Variants in ADAP1 observed in about 807,000 individuals in gnomAD.
The protein encoded by ADAP1 is ArfGAP with dual PH domains 1.
Under a neutral mutation model 54.9 loss-of-function variants are expected in ADAP1, and 31 were observed. The observed-to-expected ratio is 0.56, with a 90% CI of 0.42 to 0.76. ADAP1 has a LOEUF of 0.76. Among genes scored for constraint, ADAP1 ranks in the 30% least tolerant of loss-of-function variants. The pLI is 0.00. For missense variants in ADAP1, 535 were observed against 512.4 expected (o/e 1.04, Z -0.42); for synonymous variants, 313 against 202.6 (o/e 1.55, Z -4.63).
At chr7:906,722 AC>A (rs1845437271) in intron 4 of ADAP1, among the ~76,000 whole-genome samples, 3 of 22,524 alleles carry the variant, frequency 1.3e-4, no homozygotes, top group African/African-American at 4.7e-4. Context: ...GACATCGGGG[AC>A]GGGACATGGG....
chr7:935,671 T>TCCCCCCCCCCCC (rs3215362), intron 1 of ADAP1, among the ~76,000 whole-genome samples, 166 bp from the exon 2 acceptor site: 8 of 146,396 alleles, frequency 5.5e-5, no homozygotes, highest in Non-Finnish European at 7.5e-5. Flanking sequence ...TAACCCCAGC[T>TCCCCCCCCCCCC]CCCCCCCCGC....
intron 4 of ADAP1, chr7:905,463 A>AGAAAGG (rs1243283028): frequency 1.0e-4 from 9 of 90,288 alleles, no homozygotes; most frequent in Non-Finnish European, 1.5e-4. Flanking sequence ...AAGGGAAAGG[A>AGAAAGG]GAAAGGAGAA....
intron 1 of ADAP1, among the ~76,000 whole-genome samples, chr7:947,082 C>T (rs59269066): frequency 0.019 from 2,878 of 152,104 alleles, 98 homozygotes; most frequent in African/African-American, 0.065. Context: ...CTCTGTCACT[C>T]AGGCTGGAGT....
At chr7:906,963 A>T (rs1157051038) in intron 4 of ADAP1, among the ~76,000 whole-genome samples, 1 of 152,078 alleles carries the variant, frequency 6.6e-6, no homozygotes, top group Non-Finnish European at 1.5e-5. Context: ...GACCCTCCCC[A>T]TCCTGAGTGG....
chr7:898,474 G>T lies in ADAP1; in HGVS notation c.*447C>A, dbSNP rs551006980. 8.0e-6 allele frequency: 2 copies of T among 249,216 alleles called. No individual in the cohort carries two copies. Among genetic ancestry groups the T allele is most frequent in the South Asian group, 5.1e-5 (1 of 19,578 alleles). The allele number at this position is 249,216 out of a possible 1,614,324, so 15.4% of individuals were successfully genotyped here. ...GCGCTCAATAAATAGTCGTGGAGGT[G>T]GGGGGAGGGCGGGGCGGCATGCGAG... On this transcript the variant is annotated 3_prime_UTR_variant, in exon 11 of 11. Transcript: ENST00000265846.
Position 905,377 on chromosome 7 carries a change from GAGAAAGGA to G in ADAP1, c.389-213_389-206del, listed in dbSNP as rs1438915732. 3.2e-5 allele frequency: 5 copies of G among 154,982 alleles called. 1 individual carries two copies. Among genetic ancestry groups the G allele is most frequent in the African/African-American group, 2.5e-4 (3 of 11,814 alleles). 9.6% of individuals were successfully genotyped at this position (154,982 alleles called of 1,614,324 possible). A position where few individuals can be genotyped will look rare whatever the true frequency, so the allele number is the denominator to read the frequency against. ...TGGGCAGGGAAAGGGAAAGGGAAAGGAGAAAGGAGAAAGGAGAAAGGAGAAAGGAGAAA... is the reference window on the plus strand; with the variant it reads ...TGGGCAGGGAAAGGGAAAGGGAAAGGGAAAGGAGAAAGGAGAAAGGAGAAA... On this transcript the variant is annotated intron_variant, in intron 4 of 10. Coordinates refer to ENST00000265846, the MANE Select transcript of ADAP1 (RefSeq NM_006869.4).
intron 4 of ADAP1, among the ~76,000 whole-genome samples, chr7:916,702 T>C (rs952753549): frequency 6.6e-6 from 1 of 151,922 alleles, no homozygotes; most frequent in Non-Finnish European, 1.5e-5. Context: ...GCTGTCTGGG[T>C]AGACAGTAAT....
chr7:899,527 C>G (rs377439966), intron 8 of ADAP1, 37 bp from the exon 9 acceptor site: 2 of 1,598,552 alleles, frequency 1.3e-6, no homozygotes, highest in East Asian at 2.3e-5. Context: ...GGCAGGTCGC[C>G]GAGGCAGGCC....
intron 3 of ADAP1, among the ~76,000 whole-genome samples, chr7:921,417 A>T (rs977640769): frequency 2.6e-5 from 4 of 152,216 alleles, no homozygotes; most frequent in African/African-American, 9.6e-5. Context: ...CAACACCTGC[A>T]CTCAAGGATC....
Position 939,380 on chromosome 7 carries a change from C to T in ADAP1, c.83-3875G>A, listed in dbSNP as rs375538638. On this transcript the variant is annotated intron_variant, in intron 1 of 10. Coordinates refer to ENST00000265846, the MANE Select transcript of ADAP1 (RefSeq NM_006869.4). ...GATTACAGGCGTGCACCACCATGCCCGGCTAATTTTCTATTTTTAGTAGAG... is the reference window on the plus strand; with the variant it reads ...GATTACAGGCGTGCACCACCATGCCTGGCTAATTTTCTATTTTTAGTAGAG... Among the ~76,000 whole-genome samples the T allele has an allele frequency of 3.4e-4, 51 of 152,046 alleles. No homozygotes were observed. In the East Asian group the frequency reaches 4.7e-3, roughly 14 times the overall value.
At position 898,647 on chromosome 7, in the gene ADAP1, A is replaced by C; in HGVS notation, c.*274T>G. On this transcript the variant is annotated 3_prime_UTR_variant, in exon 11 of 11. Coordinates refer to ENST00000265846, the MANE Select transcript of ADAP1 (RefSeq NM_006869.4). ...GGGAGCCAGACTGGGCCCTGGAGGAAAGGGGGCCCCGGGTCAGGGAGGGGC... is the reference window on the plus strand; with the variant it reads ...GGGAGCCAGACTGGGCCCTGGAGGACAGGGGGCCCCGGGTCAGGGAGGGGC... 1.4e-5 allele frequency: 7 copies of C among 509,830 alleles called. No individual in the cohort carries two copies. The highest frequency in any genetic ancestry group is 1.8e-5 in the Non-Finnish European group (5 of 279,030). 31.6% of individuals were successfully genotyped at this position (509,830 alleles called of 1,614,324 possible).
At chr7:900,008 C>T in intron 8 of ADAP1, 94 bp downstream of exon 8, 2 of 1,474,458 alleles carry the variant, frequency 1.4e-6, no homozygotes, top group African/African-American at 1.4e-5. Context: ...CAGTTTAAAA[C>T]ACAGGCGGCA....
In ADAP1 at chr7:926,956, A is replaced by C. The variant is rs1217350081; in HGVS notation, c.214-312T>G. ...ACCGTTTCAACCCCCAAGTCCACCC[A>C]CACCGGGTGTCCCGTGGGAGAGAGC... On this transcript the variant is annotated intron_variant, in intron 2 of 10. Transcript: ENST00000265846. This position sits in a 1 kb window ranked among gnomAD's most constrained non-coding sequence, Gnocchi z 4.6. The C allele has an allele frequency of 1.6e-6, 2 of 1,257,172 alleles. No individual in the cohort carries two copies. The highest frequency in any genetic ancestry group is 1.6e-5 in the South Asian group (1 of 63,558). The allele number at this position is 1,257,172 out of a possible 1,614,324, so 77.9% of individuals were successfully genotyped here.
Position 939,830 on chromosome 7 carries a change from C to CAA in ADAP1, c.83-4327_83-4326dup, listed in dbSNP as rs569332179. 4.7e-3 allele frequency among the ~76,000 whole-genome samples: 478 copies of CAA among 102,346 alleles called. 4 individuals carry two copies. Among genetic ancestry groups the CAA allele is most frequent in the African/African-American group, 0.015 (434 of 28,062 alleles). 67.1% of individuals were successfully genotyped at this position (102,346 alleles called of 152,430 possible). A position where few individuals can be genotyped will look rare whatever the true frequency, so the allele number is the denominator to read the frequency against. ...TGGGCAACAGAGTGAGACTTTGTCT[C>CAA]AAAAAAAAAAAAAAAAGTTTGCCAA... On this transcript the variant is annotated intron_variant, in intron 1 of 10. Coordinates refer to ENST00000265846, the MANE Select transcript of ADAP1 (RefSeq NM_006869.4).
chr7:945,778 C>A lies in ADAP1; in HGVS notation c.82+8618G>T. On this transcript the variant is annotated intron_variant, in intron 1 of 10. Transcript: ENST00000265846. This position sits in a 1 kb window ranked among gnomAD's most constrained non-coding sequence, Gnocchi z 4.2. The stretch of plus-strand genomic sequence containing the variant: ...CTGCCCTACCTGCTCCCAGGACGCC[C>A]GAGGTGACTCAGCCGCTCACCATTT... 1.0e-6 allele frequency: 1 copy of A among 985,670 alleles called. No individual in the cohort carries two copies. The highest frequency in any genetic ancestry group is 1.2e-6 in the Non-Finnish European group (1 of 830,038). 61.1% of individuals were successfully genotyped at this position (985,670 alleles called of 1,614,324 possible).
At chr7:902,103 T>G (rs967486158) in intron 6 of ADAP1, among the ~76,000 whole-genome samples, 1 of 151,872 alleles carries the variant, frequency 6.6e-6, no homozygotes, top group African/African-American at 2.4e-5. Context: ...GAATTATCTT[T>G]GGAGGATCAG....
chr7:942,477 A>G (rs1249869336), intron 1 of ADAP1, among the ~76,000 whole-genome samples: 1 of 31,632 alleles, frequency 3.2e-5, no homozygotes, highest in Non-Finnish European at 6.5e-5. Context: ...GGAAGGGAGG[A>G]GGAGGAAGAG....
At chr7:911,995 CTGG>C (rs1845743768) in intron 4 of ADAP1, among the ~76,000 whole-genome samples, 1 of 152,224 alleles carries the variant, frequency 6.6e-6, no homozygotes, top group Admixed American at 6.5e-5. Context: ...CGAGGAACGG[CTGG>C]TGATGTTCCC....
chr7:899,958 G>C, intron 8 of ADAP1, 144 bp downstream of exon 8: 1 of 1,023,466 alleles, frequency 9.8e-7, no homozygotes, highest in South Asian at 1.4e-5. Flanking sequence ...GGGGACCCCG[G>C]CCAGGCACAG....
Sources: allele counts gnomAD v4.1 joint callset (sites outside exome capture counted in the v4.1 genomes callset), GRCh38; gene constraint gnomAD v4.1.1; non-coding constraint Gnocchi (gnomAD v3.1); transcripts MANE v1.5; gene names NCBI Gene and HGNC (gene_info 2026-07-23, HGNC 2026-07-21).